ATXN3: variants seen among roughly 807,000 people sequenced by gnomAD.
ATXN3 encodes the protein ataxin 3, also known as ataxin-3.
Under a neutral mutation model 58.2 loss-of-function variants are expected in ATXN3, and 28 were observed. That is an observed-to-expected ratio of 0.48 (90% CI 0.36 to 0.66). The LOEUF is 0.66. ATXN3 is among the 30% of genes least tolerant of loss of function. The pLI is 0.00. For missense variants in ATXN3, 321 were observed against 422.1 expected (o/e 0.76, Z 2.10); for synonymous variants, 113 against 138.5 (o/e 0.82, Z 1.29).
At chr14:92,088,009 TG>T (rs917188264) in intron 6 of ATXN3, among the ~76,000 whole-genome samples, 1 of 151,770 alleles carries the variant, frequency 6.6e-6, no homozygotes, top group Admixed American at 6.6e-5. Flanking sequence ...AAGAGACTTG[TG>T]GATGAGTGCA....
At chr14:92,068,168 G>A (rs1055940774) in intron 10 of ATXN3, among the ~76,000 whole-genome samples, 6 of 152,138 alleles carry the variant, frequency 3.9e-5, no homozygotes, top group African/African-American at 7.2e-5. Context: ...CCATGTGAAA[G>A]GAGTGTTATC....
In ATXN3 at chr14:92,067,553, C is replaced by A. The variant is rs557143758; in HGVS notation, c.992-3139G>T. On this transcript the variant is annotated intron_variant, in intron 10 of 10. Transcript: ENST00000644486. The stretch of plus-strand genomic sequence containing the variant: ...CTGGGATTACAGGCATGTGCCACCA[C>A]GCCCAGCTAATTTTTGTATTTTTAG... Among the ~76,000 whole-genome samples, 10 of 152,250 alleles carry A rather than the reference C, an allele frequency of 6.6e-5. No individual in the cohort carries two copies. In the South Asian group the frequency reaches 1.9e-3, roughly 28 times the overall value.
chr14:92,080,963 A>C lies in ATXN3; in HGVS notation c.872+2T>G, dbSNP rs769531021. Reference sequence around the variant, plus strand: ...TACTTTAACTTGTACCAACTACTTTACTTTTCAAAGTAGGCTTCTCGTCTC... The same window carrying C: ...TACTTTAACTTGTACCAACTACTTTCCTTTTCAAAGTAGGCTTCTCGTCTC... On this transcript the variant is annotated splice_donor_variant, in intron 9 of 10. Coordinates refer to ENST00000644486, the MANE Select transcript of ATXN3 (RefSeq NM_004993.6). LOFTEE classifies it high-confidence loss of function. 1 of 1,596,718 alleles carries C rather than the reference A, an allele frequency of 6.3e-7. No homozygotes were observed. Among genetic ancestry groups the C allele is most frequent in the African/African-American group, 1.3e-5 (1 of 74,500 alleles).
chr14:92,074,774 A>C (rs976826892), intron 9 of ATXN3, among the ~76,000 whole-genome samples: 4 of 152,228 alleles, frequency 2.6e-5, no homozygotes, highest in Non-Finnish European at 5.9e-5. Context: ...GTGGTGGCTC[A>C]AGTATTAGGC....
At chr14:92,070,394 A>G (rs2059213266) in intron 10 of ATXN3, among the ~76,000 whole-genome samples, 1 of 152,178 alleles carries the variant, frequency 6.6e-6, no homozygotes, top group South Asian at 2.1e-4. Context: ...CCTGGCTAAC[A>G]TGGTGAAACC....
chr14:92,050,160 G>T (rs1158330886), upstream of ATXN3, among the ~76,000 whole-genome samples: 1 of 151,890 alleles, frequency 6.6e-6, no homozygotes, highest in Non-Finnish European at 1.5e-5. Flanking sequence ...GTGTGTGTGT[G>T]TGTGTGTGTG....
rs2057525035 is a variant in ATXN3 at position 92,058,580 on chromosome 14, T to C, written c.*5740A>G. The C allele has an allele frequency of 6.6e-6, 1 of 152,224 alleles. No individual in the cohort carries two copies. Among genetic ancestry groups the C allele is most frequent in the African/African-American group, 2.4e-5 (1 of 41,454 alleles). The allele number at this position is 152,224 out of a possible 1,614,324, so 9.4% of individuals were successfully genotyped here. ...AAAAGCAAACATTATCTTTATTTAA[T>C]AATCTTTGATATTTAAAATACAACT... On this transcript the variant is annotated 3_prime_UTR_variant, in exon 11 of 11. Coordinates refer to ENST00000644486, the MANE Select transcript of ATXN3 (RefSeq NM_004993.6).
chr14:92,077,482 G>A (rs1053481907), intron 9 of ATXN3: 1 of 152,152 alleles, frequency 6.6e-6, no homozygotes, highest in Non-Finnish European at 1.5e-5. Flanking sequence ...GAGTAGCTGG[G>A]ACTACAGGTG....
At chr14:92,048,711 G>A (rs1386043036) in intron 1 of ATXN3, among the ~76,000 whole-genome samples, 1 of 152,142 alleles carries the variant, frequency 6.6e-6, no homozygotes, top group Non-Finnish European at 1.5e-5. Context: ...GCCAGACACG[G>A]TGTGAGGAGG....
At chr14:92,085,376 C>G (rs1418788932) in intron 6 of ATXN3, among the ~76,000 whole-genome samples, 1 of 151,906 alleles carries the variant, frequency 6.6e-6, no homozygotes, top group Non-Finnish European at 1.5e-5. Flanking sequence ...TTGGTAGAGA[C>G]AGGGTTTCAC....
At chr14:92,073,160 A>G (rs1231018847) in intron 9 of ATXN3, among the ~76,000 whole-genome samples, 1 of 152,208 alleles carries the variant, frequency 6.6e-6, no homozygotes, top group African/African-American at 2.4e-5. Flanking sequence ...TGAGATAGCA[A>G]TTTTAGAGGA....
intron 9 of ATXN3, 149 bp downstream of exon 9, chr14:92,080,816 G>A (rs1458356715): frequency 7.0e-6 from 5 of 712,282 alleles, no homozygotes; most frequent in Non-Finnish European, 7.3e-6. Flanking sequence ...CATCACAGGC[G>A]TAAGCCACCG....
intron 9 of ATXN3, among the ~76,000 whole-genome samples, chr14:92,076,673 T>C (rs986269116): frequency 6.6e-6 from 1 of 151,436 alleles, no homozygotes; most frequent in African/African-American, 2.4e-5. Context: ...GGCGCGGTGG[T>C]GCACGCCTGT....
At chr14:92,096,223 A>G (rs2065205504) in intron 2 of ATXN3, 86 bp from the exon 3 acceptor site, 3 of 1,611,574 alleles carry the variant, frequency 1.9e-6, no homozygotes, top group Admixed American at 3.3e-5. Flanking sequence ...ATTTAAAACA[A>G]TATCTTGTGC....
chr14:92,049,941 G>C (rs1032041057), upstream of ATXN3: 13 of 152,214 alleles, frequency 8.5e-5, no homozygotes, highest in African/African-American at 3.1e-4. Flanking sequence ...AGGATAGCTA[G>C]TGCAGAAAAT....
intron 3 of ATXN3, 152 bp downstream of exon 3, chr14:92,095,941 C>T: frequency 1.5e-6 from 1 of 667,940 alleles, no homozygotes. Flanking sequence ...GACTCTGTCT[C>T]AAGAAAAAAA....
chr14:92,059,630 A>T lies in ATXN3; in HGVS notation c.*4690T>A, dbSNP rs1185382652. 6.6e-6 allele frequency: 1 copy of T among 150,918 alleles called. No individual in the cohort carries two copies. Among genetic ancestry groups the T allele is most frequent in the African/African-American group, 2.5e-5 (1 of 40,814 alleles). The allele number at this position is 150,918 out of a possible 1,614,324, so 9.3% of individuals were successfully genotyped here. On this transcript the variant is annotated 3_prime_UTR_variant, in exon 11 of 11. Transcript: ENST00000644486. ...GAGGTCAGGAGTTTGAGACCAGCCT[A>T]ACATGGTAAAAGCCCGTCTCTACTA...
At position 92,063,801 on chromosome 14, in the gene ATXN3, G is replaced by A. The variant is rs377668917; in HGVS notation, c.*519C>T. ...AACACAAGAAAACACTGGAGCACAC[G>A]GTATACAGTTGAAGGGAGAACTGTT... On this transcript the variant is annotated 3_prime_UTR_variant, in exon 11 of 11. Transcript: ENST00000644486. The A allele has an allele frequency of 6.6e-6, 1 of 152,122 alleles. No homozygotes were observed. The highest frequency in any genetic ancestry group is 1.5e-5 in the Non-Finnish European group (1 of 68,048). The allele number at this position is 152,122 out of a possible 1,614,324, so 9.4% of individuals were successfully genotyped here.
chr14:92,068,571 C>T (rs8004149), intron 10 of ATXN3, among the ~76,000 whole-genome samples: 43,739 of 151,798 alleles, frequency 0.29, 6,707 homozygotes, highest in East Asian at 0.44. Flanking sequence ...TTCTCTCTGC[C>T]TTTGAGATTC....
Sources: gnomAD v4.1 joint callset for allele counts (sites outside exome capture counted in the v4.1 genomes callset) on GRCh38, gnomAD v4.1.1 for gene constraint, MANE v1.5 for transcripts, NCBI Gene and HGNC (gene_info 2026-07-23, HGNC 2026-07-21) for gene names.